The following VAMP7 variants were observed in gnomAD, a reference collection of about 807,000 sequenced individuals.
The protein encoded by VAMP7 is vesicle associated membrane protein 7.
Under a neutral mutation model 29.6 loss-of-function variants are expected in VAMP7, and 14 were observed. That is an observed-to-expected ratio of 0.47 (90% confidence interval 0.31 to 0.74). VAMP7 has a LOEUF of 0.74. VAMP7 is among the 30% of genes least tolerant of loss of function. The pLI is 0.05. For synonymous variants in VAMP7, 95 were observed against 88.1 expected (o/e 1.08, Z -0.44); for missense variants, 223 against 262.4 (o/e 0.85, Z 1.04).
chrX:155,937,236 A>G (rs1030116748), intron 6 of VAMP7, among the ~76,000 whole-genome samples: 10 of 152,202 alleles, frequency 6.6e-5, no homozygotes, highest in Non-Finnish European at 1.5e-4. Context: ...TCATAAAAGC[A>G]GAGAGTAAAA....
At chrX:155,912,523 C>G (rs2066252396) in intron 5 of VAMP7, among the ~76,000 whole-genome samples, 1 of 151,954 alleles carries the variant, frequency 6.6e-6, no homozygotes, top group Non-Finnish European at 1.5e-5. Flanking sequence ...CCCCCTACCC[C>G]CAACAGGCCC....
At chrX:155,908,833 G>A (rs747186743) in intron 5 of VAMP7, among the ~76,000 whole-genome samples, 259 of 151,974 alleles carry the variant, frequency 1.7e-3, no homozygotes, top group Middle Eastern at 6.8e-3. Context: ...TGTCACCCAG[G>A]CTGGAGTGCA....
At position 155,909,386 on chromosome X, in the gene VAMP7, G is replaced by A. The variant is rs1031620086; in HGVS notation, c.433+8799G>A. 2.3e-4 allele frequency among the ~76,000 whole-genome samples: 35 copies of A among 152,046 alleles called. No individual in the cohort carries two copies. In the South Asian group the frequency reaches 2.5e-3, roughly 11 times the overall value. Reference sequence around the variant, plus strand: ...TTTCTGTTTTACTTGGTCATTCTACGTAAAGGTTTGTCAATTTTATTGATC... The same window carrying A: ...TTTCTGTTTTACTTGGTCATTCTACATAAAGGTTTGTCAATTTTATTGATC... On this transcript the variant is annotated intron_variant, in intron 5 of 7. Transcript: ENST00000286448.
At chrX:155,916,995 A>G (rs1201333794) in intron 5 of VAMP7, among the ~76,000 whole-genome samples, 1 of 152,158 alleles carries the variant, frequency 6.6e-6, no homozygotes, top group Non-Finnish European at 1.5e-5. Flanking sequence ...AAGCACACCA[A>G]TCAAACATAG....
At chrX:155,892,996 G>T in intron 2 of VAMP7, among the ~76,000 whole-genome samples, 1 of 151,858 alleles carries the variant, frequency 6.6e-6, no homozygotes, top group African/African-American at 2.4e-5. Flanking sequence ...CAGGCAATCC[G>T]CCCGCCTCGG....
At chrX:155,895,504 T>C (rs761110795) in intron 2 of VAMP7, 119 bp from the exon 3 acceptor site, 1 of 662,634 alleles carries the variant, frequency 1.5e-6, no homozygotes, top group African/African-American at 1.8e-5. Context: ...GAAGAGACTG[T>C]ATCCGTAAGT....
At chrX:155,908,419 C>T (rs1373900069) in intron 5 of VAMP7, among the ~76,000 whole-genome samples, 6 of 152,118 alleles carry the variant, frequency 3.9e-5, no homozygotes, top group Non-Finnish European at 7.3e-5. Context: ...ACCAGTCAGG[C>T]GTGGCAGCAC....
rs1017260017 is a variant in VAMP7, at chrX:155,883,747, G to A, written c.-10+2299G>A. 3.6e-3 allele frequency among the ~76,000 whole-genome samples: 482 copies of A among 135,470 alleles called. 1 individual carries two copies. The highest frequency in any genetic ancestry group is 9.3e-3 in the Middle Eastern group (2 of 214). The allele number at this position is 135,470 out of a possible 152,430, so 88.9% of individuals were successfully genotyped here. ...TTTTTTTGAGACGGAGTCTCACTCC[G>A]TTGCCTGGGCTGGAGTGCAGCGGCG... On this transcript the variant is annotated intron_variant, in intron 1 of 7. Transcript: ENST00000286448.
chrX:155,904,537 A>G (rs1044730480), intron 5 of VAMP7, among the ~76,000 whole-genome samples: 5 of 152,004 alleles, frequency 3.3e-5, no homozygotes, highest in African/African-American at 1.2e-4. Flanking sequence ...GCTGCGATCA[A>G]TTTTGTAACA....
chrX:155,915,998 T>C, intron 5 of VAMP7, among the ~76,000 whole-genome samples: 1 of 152,318 alleles, frequency 6.6e-6, no homozygotes, highest in African/African-American at 2.4e-5. Context: ...CTGAGTCTCT[T>C]TGTAGGTCTG....
intron 2 of VAMP7, among the ~76,000 whole-genome samples, chrX:155,892,201 C>T (rs2065932767): frequency 6.6e-6 from 1 of 152,084 alleles, no homozygotes; most frequent in Admixed American, 6.6e-5. Flanking sequence ...AGCTTTGGTA[C>T]CTTTTTTTCA....
chrX:155,910,305 A>C (rs963859215), intron 5 of VAMP7, among the ~76,000 whole-genome samples: 70 of 152,330 alleles, frequency 4.6e-4, no homozygotes, highest in Admixed American at 1.2e-3. Context: ...TTCATGGTCA[A>C]ATAGTATTCC....
chrX:155,919,887 A>G lies in VAMP7; in HGVS notation c.501+7A>G. The G allele has an allele frequency of 3.1e-6, 5 of 1,605,670 alleles. No individual in the cohort carries two copies. Among genetic ancestry groups the G allele is most frequent in the Non-Finnish European group, 3.4e-6 (4 of 1,173,102 alleles). On this transcript the variant is annotated splice_region_variant and intron_variant, in intron 6 of 7. Transcript: ENST00000286448. ...AGAAAATCTTGTGGATTCTGTAAGT[A>G]TGGAATCTGATAATATGGAGTCTGA...
Position 155,943,466 on chromosome X carries a change from T to G in VAMP7, c.*1515T>G, listed in dbSNP as rs2066776548. The G allele has an allele frequency of 6.6e-6, 1 of 152,562 alleles. No individual in the cohort carries two copies. The highest frequency in any genetic ancestry group is 2.4e-5 in the African/African-American group (1 of 41,428). 9.5% of individuals were successfully genotyped at this position (152,562 alleles called of 1,614,324 possible). A position where few individuals can be genotyped will look rare whatever the true frequency, so the allele number is the denominator to read the frequency against. On this transcript the variant is annotated 3_prime_UTR_variant, in exon 8 of 8. Coordinates refer to ENST00000286448, the MANE Select transcript of VAMP7 (RefSeq NM_005638.6). The stretch of plus-strand genomic sequence containing the variant: ...GCATAGCACAAACGTTTTTCCAGTC[T>G]TCTTTATCAACACTAATGCCTCTTA...
At chrX:155,914,567 A>G (rs1439687947) in intron 5 of VAMP7, among the ~76,000 whole-genome samples, 3 of 152,186 alleles carry the variant, frequency 2.0e-5, no homozygotes, top group Non-Finnish European at 2.9e-5. Flanking sequence ...AGTTTTTAGC[A>G]TAAAGCGGTG....
At chrX:155,930,489 CAAAAAA>C (rs35835800) in intron 6 of VAMP7, among the ~76,000 whole-genome samples, 12 of 145,018 alleles carry the variant, frequency 8.3e-5, no homozygotes, top group Non-Finnish European at 1.2e-4. Context: ...CAAAACCAAA[CAAAAAA>C]AAAAAAAAAA....
At chrX:155,939,866 C>G in intron 7 of VAMP7, 73 bp downstream of exon 7, 1 of 1,194,342 alleles carries the variant, frequency 8.4e-7, no homozygotes, top group Non-Finnish European at 1.3e-6. Context: ...AATTATTTCT[C>G]AATGATTAAC....
intron 6 of VAMP7, among the ~76,000 whole-genome samples, chrX:155,937,843 T>C (rs2066684863): frequency 6.6e-6 from 1 of 152,188 alleles, no homozygotes; most frequent in South Asian, 2.1e-4. Flanking sequence ...CTGTTGATCG[T>C]ATAAATTGAT....
Position 155,942,427 on chromosome X carries a change from G to A in VAMP7, c.*476G>A. The stretch of plus-strand genomic sequence containing the variant: ...ATAAATGGATAATAGTTGTTATTTG[G>A]GGAATTGTAATGATGTTGGTGCTGC... On this transcript the variant is annotated 3_prime_UTR_variant, in exon 8 of 8. Coordinates refer to ENST00000286448, the MANE Select transcript of VAMP7 (RefSeq NM_005638.6). 2.6e-6 allele frequency: 1 copy of A among 390,318 alleles called. No homozygotes were observed. Among genetic ancestry groups the A allele is most frequent in the South Asian group, 4.9e-5 (1 of 20,228 alleles). The allele number at this position is 390,318 out of a possible 1,614,324, so 24.2% of individuals were successfully genotyped here. A position where few individuals can be genotyped will look rare whatever the true frequency, so the allele number is the denominator to read the frequency against.
Sources: allele counts gnomAD v4.1 joint callset (sites outside exome capture counted in the v4.1 genomes callset), GRCh38; gene constraint gnomAD v4.1.1; transcripts MANE v1.5; gene names NCBI Gene and HGNC (gene_info 2026-07-23, HGNC 2026-07-21).